Variants in MAGEB6B observed in about 807,000 individuals in gnomAD.
The protein encoded by MAGEB6B is MAGE family member B6B.
For missense variants in MAGEB6B, 277 were observed against 251.5 expected (o/e 1.10, Z -0.69); for synonymous variants, 107 against 102.3 (o/e 1.05, Z -0.27).
exon 1 of MAGEB6B, chrX:26,160,896 A>C: frequency 1.7e-6 from 1 of 601,824 alleles, no homozygotes; most frequent in Non-Finnish European, 2.9e-6. Context: ...ACCTCCCGTG[A>C]TGCCTCCGTT....
rs775320222 is a variant in MAGEB6B at position 26,161,226 on chromosome X, A to G, written c.626A>G (p.Lys209Arg). 4.1e-6 allele frequency: 3 copies of G among 739,296 alleles called. No homozygotes were observed. In the African/African-American group the frequency reaches 6.2e-5, roughly 15 times the overall value. The allele number at this position is 739,296 out of a possible 1,213,427, so 60.9% of individuals were successfully genotyped here. Residue 209 changes from lysine to arginine, a missense_variant, in exon 1 of 1, where the codon AAG (lysine) becomes AGG (arginine). Lys to Arg is a conservative substitution (Grantham distance 26, BLOSUM62 2). Transcript: ENST00000416929. ...AAGATGGTGCAATTCCTGCAGAAGA[A>G]GTTTGAGAAGAAAGAGCCCATTTTG...
exon 1 of MAGEB6B, chrX:26,160,845 A>G (rs1377119262): frequency 1.7e-6 from 1 of 605,659 alleles, no homozygotes; most frequent in African/African-American, 2.4e-5. Flanking sequence ...TGCTCAAAAT[A>G]TGATGTGGCT....
chrX:26,161,506 C>T (rs764653076), exon 1 of MAGEB6B: 93 of 1,205,041 alleles, frequency 7.7e-5, no homozygotes, highest in Non-Finnish European at 1.0e-4. Context: ...GCAACCGTGC[C>T]ACTGAAGAGG....
chrX:26,160,817 C>T (rs1217762395), exon 1 of MAGEB6B: 2 of 627,085 alleles, frequency 3.2e-6, no homozygotes, highest in Admixed American at 4.4e-5. Context: ...CACTGGCTAT[C>T]CTGATGCAGG....
chrX:26,160,900 C>T, exon 1 of MAGEB6B: 2 of 604,815 alleles, frequency 3.3e-6, no homozygotes, highest in Non-Finnish European at 5.9e-6. Flanking sequence ...CCCGTGATGC[C>T]TCCGTTTCTC....
chrX:26,161,378 G>A (rs746055685), exon 1 of MAGEB6B: 12 of 710,850 alleles, frequency 1.7e-5, no homozygotes, highest in Admixed American at 1.1e-4. Context: ...TTCCAGCGGC[G>A]AGTCCTACAC....
chrX:26,160,894 T>G, exon 1 of MAGEB6B: 1 of 603,620 alleles, frequency 1.7e-6, no homozygotes, highest in East Asian at 3.2e-5. Context: ...GTACCTCCCG[T>G]GATGCCTCCG....
exon 1 of MAGEB6B, chrX:26,160,657 T>C (rs777380373): frequency 5.2e-6 from 3 of 571,911 alleles, no homozygotes; most frequent in East Asian, 3.3e-5. Flanking sequence ...GAGAGACCCA[T>C]GATCAGCCGC....
chrX:26,160,950 C>G (rs747361947), exon 1 of MAGEB6B: 3 of 633,940 alleles, frequency 4.7e-6, no homozygotes, highest in Admixed American at 4.5e-5. Context: ...CCTCCTGATG[C>G]AGGTATTTCA....
exon 1 of MAGEB6B, chrX:26,161,364 C>T (rs778425489): frequency 2.2e-5 from 15 of 678,335 alleles, no homozygotes; most frequent in Non-Finnish European, 2.9e-5. Context: ...TTGAAAGAAA[C>T]GGATTCCAGC....
chrX:26,161,500 C>T, exon 1 of MAGEB6B: 1 of 1,204,191 alleles, frequency 8.3e-7, no homozygotes, highest in South Asian at 1.8e-5. Flanking sequence ...TGAGAGGCAA[C>T]CGTGCCACTG....
At chrX:26,161,323 C>T (rs747092019) in exon 1 of MAGEB6B, 30 of 645,928 alleles carry the variant, frequency 4.6e-5, no homozygotes, top group Admixed American at 4.2e-4. Context: ...AGAGAACCTC[C>T]GAACATTTGA....
Position 26,161,205 on chromosome X carries a change from TG to T in MAGEB6B, c.607del (p.Val203CysfsTer15). 2.7e-6 allele frequency: 2 copies of T among 751,277 alleles called. No individual in the cohort carries two copies. Among genetic ancestry groups the T allele is most frequent in the Non-Finnish European group, 4.2e-6 (2 of 475,561 alleles). 61.9% of individuals were successfully genotyped at this position (751,277 alleles called of 1,213,427 possible). On this transcript the variant is annotated frameshift_variant, in exon 1 of 1. Transcript: ENST00000416929. LOFTEE classifies it low-confidence loss of function (END_TRUNC). The stretch of plus-strand genomic sequence containing the variant: ...CCTATAAAAAGGAAGGCAAACAAGA[TG>T]GTGCAATTCCTGCAGAAGAAGTTTG...
In MAGEB6B at chrX:26,160,647, G is replaced by A. The variant is rs1346788256; in HGVS notation, c.47G>A (p.Arg16Gln). ...AAGCTCCGTGCCCGTGGGAAACGCCGAGAGACCCATGATCAGCCGCAAGGT... is the reference window on the plus strand; with the variant it reads ...AAGCTCCGTGCCCGTGGGAAACGCCAAGAGACCCATGATCAGCCGCAAGGT... Residue 16 changes from arginine to glutamine, a missense_variant, in exon 1 of 1, where the codon CGA becomes CAA. Physicochemically the swap from Arg to Gln is conservative, Grantham distance 43. Transcript: ENST00000416929. 7.0e-6 allele frequency: 4 copies of A among 572,076 alleles called. No homozygotes were observed. In the East Asian group the frequency reaches 1.3e-4, roughly 19 times the overall value. The allele number at this position is 572,076 out of a possible 1,213,427, so 47.1% of individuals were successfully genotyped here. A position where few individuals can be genotyped will look rare whatever the true frequency, so the allele number is the denominator to read the frequency against.
At chrX:26,160,913 G>A in exon 1 of MAGEB6B, 1 of 607,418 alleles carries the variant, frequency 1.6e-6, no homozygotes, top group Non-Finnish European at 2.9e-6. Context: ...CGTTTCTCAA[G>A]AGTCTCAGGG....
chrX:26,161,338 G>T (rs1804470597), exon 1 of MAGEB6B: 1 of 650,448 alleles, frequency 1.5e-6, no homozygotes. Flanking sequence ...ATTTGACGGT[G>T]TTCTTTGGCG....
chrX:26,161,732 G>A lies in MAGEB6B; in HGVS notation c.1132G>A (p.Glu378Lys), dbSNP rs1328305476. 6 of 1,209,239 alleles carry A rather than the reference G, an allele frequency of 5.0e-6. No individual in the cohort carries two copies. The East Asian group carries it at 8.9e-5, about 18-fold the overall frequency. The change falls in exon 1 of 1, where the codon GAG becomes AAG. Residue 378 changes from glutamate (E) to lysine (K), a missense_variant. Coordinates refer to ENST00000416929, the Ensembl canonical transcript of MAGEB6B. The stretch of plus-strand genomic sequence containing the variant: ...GATGAGAGTCCTGCGTGTTTTGGCC[G>A]AGATCAATAACACCAGTCCCGGTTT...
chrX:26,160,941 C>A, exon 1 of MAGEB6B: 1 of 627,138 alleles, frequency 1.6e-6, no homozygotes. Context: ...CCCATTGGCC[C>A]TCCTGATGCA....
chrX:26,162,313 G>C (rs1307006166), downstream of MAGEB6B, among the ~76,000 whole-genome samples: 7 of 112,020 alleles, frequency 6.2e-5, no homozygotes, highest in Non-Finnish European at 1.3e-4. Flanking sequence ...AGAAAGAAAA[G>C]GAAAAACAGA....
Sources: gnomAD v4.1 joint callset for allele counts (sites outside exome capture counted in the v4.1 genomes callset) on GRCh38, gnomAD v4.1.1 for gene constraint, MANE v1.5 for transcripts, NCBI Gene and HGNC (gene_info 2026-07-23, HGNC 2026-07-21) for gene names.